The following GRIN2B variants were observed in gnomAD, a reference collection of about 807,000 sequenced individuals.
GRIN2B encodes glutamate ionotropic receptor NMDA type subunit 2B, also known as glutamate receptor ionotropic, NMDA 2B.
A neutral mutation model predicts 114.5 loss-of-function variants in GRIN2B; 5 were observed. The observed-to-expected ratio is 0.04, with a 90% CI of 0.02 to 0.09. The LOEUF (loss-of-function observed/expected upper bound fraction) is 0.09. Ranked by LOEUF, GRIN2B falls within the 10% of genes least tolerant of loss-of-function variation. The pLI is 1.00. For missense variants in GRIN2B, 1,108 were observed against 1,943.5 expected (o/e 0.57, Z 8.08); for synonymous variants, 787 against 745.1 (o/e 1.06, Z -0.92).
chr12:13,933,210 T>C (rs984815618), intron 2 of GRIN2B, among the ~76,000 whole-genome samples: 2 of 152,168 alleles, frequency 1.3e-5, no homozygotes, highest in African/African-American at 2.4e-5. Flanking sequence ...CCTCTGCAAA[T>C]AGTACCTTTA....
Position 13,547,824 on chromosome 12 carries a change from C to T in GRIN2B, c.*14959G>A, listed in dbSNP as rs1465413556. 6.6e-6 allele frequency: 1 copy of T among 151,722 alleles called. No homozygotes were observed. The highest frequency in any genetic ancestry group is 2.4e-5 in the African/African-American group (1 of 41,332). 9.4% of individuals were successfully genotyped at this position (151,722 alleles called of 1,614,324 possible). A position where few individuals can be genotyped will look rare whatever the true frequency, so the allele number is the denominator to read the frequency against. On this transcript the variant is annotated 3_prime_UTR_variant, in exon 14 of 14. Coordinates refer to ENST00000609686, the MANE Select transcript of GRIN2B (RefSeq NM_000834.5). ...TGCATTTTCCCAGGAGACTTCTCTCCACATTGTCGCAGTGTTGAAACTCTG... is the reference window on the plus strand; with the variant it reads ...TGCATTTTCCCAGGAGACTTCTCTCTACATTGTCGCAGTGTTGAAACTCTG...
intron 5 of GRIN2B, among the ~76,000 whole-genome samples, chr12:13,662,338 A>G (rs1775332997): frequency 6.6e-6 from 1 of 152,158 alleles, no homozygotes; most frequent in Non-Finnish European, 1.5e-5. Context: ...GGACTTGTGG[A>G]CATAATTTGG....
At chr12:13,956,281 C>T (rs1175358505) in intron 2 of GRIN2B, among the ~76,000 whole-genome samples, 1 of 152,156 alleles carries the variant, frequency 6.6e-6, no homozygotes, top group East Asian at 1.9e-4. Context: ...GAACCACGGA[C>T]GCCCAGGCAC....
intron 2 of GRIN2B, among the ~76,000 whole-genome samples, chr12:13,871,742 A>T (rs539976275): frequency 6.6e-6 from 1 of 151,986 alleles, no homozygotes; most frequent in Admixed American, 6.5e-5. Context: ...AGGAGAGAAA[A>T]TGCGAATGAA....
At chr12:13,928,712 A>G (rs1295997197) in intron 2 of GRIN2B, among the ~76,000 whole-genome samples, 2 of 152,252 alleles carry the variant, frequency 1.3e-5, no homozygotes, top group Non-Finnish European at 2.9e-5. Flanking sequence ...AGGCAGAGGT[A>G]TTCAACTTTT....
At chr12:13,581,367 A>G (rs566597208) in intron 10 of GRIN2B, among the ~76,000 whole-genome samples, 3 of 152,292 alleles carry the variant, frequency 2.0e-5, no homozygotes, top group African/African-American at 7.2e-5. Flanking sequence ...CTATGGCCCA[A>G]TTAGGGTGAA....
intron 5 of GRIN2B, among the ~76,000 whole-genome samples, chr12:13,632,501 G>A (rs1353248910): frequency 6.6e-6 from 1 of 152,236 alleles, no homozygotes; most frequent in Non-Finnish European, 1.5e-5. Context: ...TGCTTCCACA[G>A]TTAACTTTTC....
intron 4 of GRIN2B, among the ~76,000 whole-genome samples, chr12:13,680,512 G>C (rs1034158811): frequency 2.0e-5 from 3 of 149,006 alleles, no homozygotes; most frequent in Non-Finnish European, 4.4e-5. Context: ...TTTGTCTCTA[G>C]AATGTAGTTT....
In GRIN2B at chr12:13,571,956, T is replaced by G; in HGVS notation, c.2019A>C (p.Arg673Ser). 6.2e-7 allele frequency: 1 copy of G among 1,613,414 alleles called. No homozygotes were observed. Among genetic ancestry groups the G allele is most frequent in the Non-Finnish European group, 8.5e-7 (1 of 1,179,614 alleles). The part of the protein sequence containing the change: ...VSGLSDKKFQ[R>S]PNDFSPPFRF... ...GGAAAGGGGGTGAGAAGTCATTAGG[T>G]CTCTGGAACTGGAGAGAGAAAGACA... The change falls in exon 11 of 14, where the codon AGA (arginine) becomes AGC (serine). Residue 673 changes from arginine (R) to serine (S), a missense_variant. Physicochemically the swap from Arg to Ser is moderately radical, Grantham distance 110 (BLOSUM62 -1). This residue lies in a region of GRIN2B where 10 missense variants were observed against 17.4 expected (regional missense o/e 0.57). Transcript: ENST00000609686.
intron 4 of GRIN2B, among the ~76,000 whole-genome samples, chr12:13,692,231 G>C (rs1274795592): frequency 2.0e-5 from 3 of 152,020 alleles, no homozygotes; most frequent in African/African-American, 7.3e-5. Flanking sequence ...TTATTGGGCA[G>C]GTAAAATGGA....
intron 3 of GRIN2B, among the ~76,000 whole-genome samples, chr12:13,781,558 T>C (rs1441937508): frequency 2.0e-5 from 3 of 152,144 alleles, no homozygotes; most frequent in Non-Finnish European, 4.4e-5. Flanking sequence ...ATCATTTAAT[T>C]TGAAAGCCAG....
At position 13,564,127 on chromosome 12, in the gene GRIN2B, G is replaced by A; in HGVS notation, c.3111C>T (p.Asp1037=). The A allele has an allele frequency of 6.2e-7, 1 of 1,614,178 alleles. No homozygotes were observed. Among genetic ancestry groups the A allele is most frequent in the Non-Finnish European group, 8.5e-7 (1 of 1,180,034 alleles). Residue 1037 remains aspartate, a synonymous_variant, in exon 14 of 14, where the codon GAC becomes GAT. Transcript: ENST00000609686. The surrounding 1 kb of genome is among the most constrained non-coding windows in gnomAD (Gnocchi z 4.8). ...LPSSKHSQLS[D]LYGKFSFKSD... ...TCTTGAAGGAGAATTTGCCGTACAG[G>A]TCACTGAGCTGGCTGTGCTTGGAGG...
chr12:13,858,264 CTCA>C (rs1301750540), intron 3 of GRIN2B, among the ~76,000 whole-genome samples: 58 of 152,282 alleles, frequency 3.8e-4, no homozygotes, highest in African/African-American at 1.3e-3. Context: ...GTCAGTCTTT[CTCA>C]TCATAACCTC....
At chr12:13,567,904 ACAG>A (rs1948661858) in intron 12 of GRIN2B, among the ~76,000 whole-genome samples, 2 of 152,068 alleles carry the variant, frequency 1.3e-5, no homozygotes, top group South Asian at 4.1e-4. Context: ...TATATTATAG[ACAG>A]TGGGGAATAA....
intron 5 of GRIN2B, among the ~76,000 whole-genome samples, chr12:13,620,694 G>A (rs1375701866): frequency 6.6e-6 from 1 of 152,094 alleles, no homozygotes; most frequent in Non-Finnish European, 1.5e-5. Context: ...TAGGTGTGTG[G>A]CATTCTGAGG....
intron 10 of GRIN2B, among the ~76,000 whole-genome samples, chr12:13,586,105 A>G (rs1236257170): frequency 6.6e-6 from 1 of 152,244 alleles, no homozygotes; most frequent in Non-Finnish European, 1.5e-5. Flanking sequence ...GGGTTAAGCC[A>G]AAAAACTTAC....
At chr12:13,657,608 T>C (rs1214589183) in intron 5 of GRIN2B, among the ~76,000 whole-genome samples, 4 of 152,184 alleles carry the variant, frequency 2.6e-5, no homozygotes, top group Admixed American at 6.5e-5. Flanking sequence ...CAGATCTTCC[T>C]ACTATCAATA....
At chr12:13,690,647 A>T (rs1950209162) in intron 4 of GRIN2B, among the ~76,000 whole-genome samples, 1 of 152,158 alleles carries the variant, frequency 6.6e-6, no homozygotes. Context: ...CCAAATCCTT[A>T]TTCTCTCCAT....
At chr12:13,905,352 C>T (rs940236987) in intron 2 of GRIN2B, among the ~76,000 whole-genome samples, 3 of 152,166 alleles carry the variant, frequency 2.0e-5, no homozygotes, top group African/African-American at 7.2e-5. Context: ...GCTTTTATTA[C>T]ACTTTCAGTT....
Sources: gnomAD v4.1 joint callset for allele counts (sites outside exome capture counted in the v4.1 genomes callset) on GRCh38, gnomAD v4.1.1 for gene constraint, gnomAD v4.1.1 regional missense constraint, Gnocchi (gnomAD v3.1) non-coding constraint, MANE v1.5 for transcripts, NCBI Gene and HGNC (gene_info 2026-07-23, HGNC 2026-07-21) for gene names.